Variants in PTGS1 observed in about 807,000 individuals in gnomAD.
The protein encoded by PTGS1 is prostaglandin G/H synthase 1.
In PTGS1, 40 loss-of-function variants were observed where a neutral mutation model predicts 63.0. The observed-to-expected ratio is 0.63, with a 90% CI of 0.49 to 0.83. The LOEUF (loss-of-function observed/expected upper bound fraction) is 0.83. Among genes scored for constraint, PTGS1 ranks in the 40% least tolerant of loss-of-function variants. The pLI is 0.00. For missense variants in PTGS1, 709 were observed against 786.5 expected (o/e 0.90, Z 1.18); for synonymous variants, 298 against 301.9 (o/e 0.99, Z 0.13).
chr9:122,395,000 G>A lies in PTGS1; in HGVS notation c.*2456G>A, dbSNP rs1018431651. 1.3e-5 allele frequency: 2 copies of A among 152,228 alleles called. No individual in the cohort carries two copies. The highest frequency in any genetic ancestry group is 4.8e-5 in the African/African-American group (2 of 41,432). 9.4% of individuals were successfully genotyped at this position (152,228 alleles called of 1,614,324 possible). A position where few individuals can be genotyped will look rare whatever the true frequency, so the allele number is the denominator to read the frequency against. On this transcript the variant is annotated 3_prime_UTR_variant, in exon 11 of 11. Transcript: ENST00000362012. Reference sequence around the variant, plus strand: ...CTTTTAATCAGTGAAGATGCAATCAGACAAGTGTTTTGGAAAGAGCACCCT... The same window carrying A: ...CTTTTAATCAGTGAAGATGCAATCAAACAAGTGTTTTGGAAAGAGCACCCT...
intron 2 of PTGS1, among the ~76,000 whole-genome samples, chr9:122,377,039 A>G (rs10985627): frequency 0.012 from 1,823 of 152,248 alleles, 21 homozygotes; most frequent in East Asian, 0.045. Context: ...TATCTCTCCT[A>G]TTCCCTTGGT....
intron 3 of PTGS1, 94 bp from the exon 4 acceptor site, chr9:122,378,339 C>A: frequency 1.3e-6 from 2 of 1,554,416 alleles, no homozygotes; most frequent in African/African-American, 1.4e-5. Context: ...CTCTGTTCCA[C>A]CCTGGCCCTT....
chr9:122,379,545 G>C (rs1837390110), intron 5 of PTGS1, among the ~76,000 whole-genome samples: 2 of 152,220 alleles, frequency 1.3e-5, no homozygotes, highest in Non-Finnish European at 2.9e-5. Flanking sequence ...TGCCAGTCCT[G>C]TGCAGCCTCA....
upstream of PTGS1, chr9:122,370,711 G>T: frequency 2.2e-6 from 1 of 456,100 alleles, no homozygotes; most frequent in Non-Finnish European, 3.9e-6. Flanking sequence ...TCTCTGCGGG[G>T]CAGGGTATGT....
chr9:122,386,496 T>C lies in PTGS1; in HGVS notation c.1060T>C (p.Tyr354His). 6.2e-7 allele frequency: 1 copy of C among 1,614,214 alleles called. No homozygotes were observed. The highest frequency in any genetic ancestry group is 8.5e-7 in the Non-Finnish European group (1 of 1,180,040). ...IEEYVQQLSG[Y>H]FLQLKFDPEL... ...GGAGTACGTGCAGCAGCTGAGTGGC[T>C]ATTTCCTGCAGCTGAAATTTGACCC... Residue 354 changes from tyrosine to histidine, a missense_variant, in exon 9 of 11, where the codon TAT (tyrosine) becomes CAT (histidine). Physicochemically the swap from Tyr to His is moderately conservative, Grantham distance 83. Coordinates refer to ENST00000362012, the MANE Select transcript of PTGS1 (RefSeq NM_000962.4).
At chr9:122,371,465 G>A (rs1836805991) in intron 2 of PTGS1, 193 bp downstream of exon 2, 1 of 1,233,472 alleles carries the variant, frequency 8.1e-7, no homozygotes, top group Admixed American at 2.8e-5. Flanking sequence ...TGGCTAATGG[G>A]CTATCTAGTT....
intron 2 of PTGS1, among the ~76,000 whole-genome samples, chr9:122,376,028 G>C (rs1266934978): frequency 6.6e-6 from 1 of 152,044 alleles, no homozygotes; most frequent in East Asian, 1.9e-4. Context: ...CAGCAGGAGG[G>C]GCAAGAAGAA....
At chr9:122,379,378 T>C (rs1037996348) in intron 5 of PTGS1, among the ~76,000 whole-genome samples, 1 of 152,196 alleles carries the variant, frequency 6.6e-6, no homozygotes, top group African/African-American at 2.4e-5. Flanking sequence ...GGGTCTTCCT[T>C]GTAAGACCTT....
intron 10 of PTGS1, among the ~76,000 whole-genome samples, chr9:122,391,598 A>G (rs1309162744): frequency 2.6e-5 from 4 of 150,962 alleles, no homozygotes; most frequent in Admixed American, 1.3e-4. Flanking sequence ...GAAGCTCCAT[A>G]TTTGTCTCCC....
At chr9:122,375,921 A>G (rs954150800) in intron 2 of PTGS1, among the ~76,000 whole-genome samples, 2 of 152,144 alleles carry the variant, frequency 1.3e-5, no homozygotes, top group African/African-American at 4.8e-5. Flanking sequence ...TTAGAGTGGT[A>G]GAACTAGACC....
At chr9:122,385,318 A>C (rs1837810116) in intron 8 of PTGS1, among the ~76,000 whole-genome samples, 1 of 152,108 alleles carries the variant, frequency 6.6e-6, no homozygotes, top group Non-Finnish European at 1.5e-5. Flanking sequence ...TGAGAGATTA[A>C]GTAACTCAGC....
In PTGS1 at chr9:122,371,922, G is replaced by C. The variant is rs575383358; in HGVS notation, c.94+650G>C. On this transcript the variant is annotated intron_variant, in intron 2 of 10. Transcript: ENST00000362012. Reference sequence around the variant, plus strand: ...CTGTCTGCGTCCACACACTTCGCAAGGTCTTTCCACAGAAAGCTGCTTCTA... The same window carrying C: ...CTGTCTGCGTCCACACACTTCGCAACGTCTTTCCACAGAAAGCTGCTTCTA... 4.8e-5 allele frequency: 49 copies of C among 1,017,334 alleles called. No individual in the cohort carries two copies. The South Asian group carries it at 5.9e-4, about 12-fold the overall frequency. 63.0% of individuals were successfully genotyped at this position (1,017,334 alleles called of 1,614,324 possible).
chr9:122,393,631 A>G lies in PTGS1; in HGVS notation c.*1087A>G, dbSNP rs1220443421. The G allele has an allele frequency of 6.6e-6, 1 of 152,272 alleles. No homozygotes were observed. The highest frequency in any genetic ancestry group is 1.5e-5 in the Non-Finnish European group (1 of 68,068). 9.4% of individuals were successfully genotyped at this position (152,272 alleles called of 1,614,324 possible). On this transcript the variant is annotated 3_prime_UTR_variant, in exon 11 of 11. Coordinates refer to ENST00000362012, the MANE Select transcript of PTGS1 (RefSeq NM_000962.4). ...AGGGGGCACCCGGGGAGGAGAGCAC[A>G]TACTGTGTTCCAATTTCACGCTTTT...
rs749523355 is a variant in PTGS1 at position 122,381,390 on chromosome 9, T to A, written c.516T>A (p.Asp172Glu). The A allele has an allele frequency of 6.2e-7, 1 of 1,614,032 alleles. No individual in the cohort carries two copies. Among genetic ancestry groups the A allele is most frequent in the Non-Finnish European group, 8.5e-7 (1 of 1,179,958 alleles). ...MGTKGKKQLPDAQLLARRFLL... is the reference protein window; with the variant it reads ...MGTKGKKQLPEAQLLARRFLL... ...AACCAGGGAAGAAGCAGTTGCCAGATGCCCAGCTCCTGGCCCGCCGCTTCC... is the reference window on the plus strand; with the variant it reads ...AACCAGGGAAGAAGCAGTTGCCAGAAGCCCAGCTCCTGGCCCGCCGCTTCC... The change falls in exon 6 of 11, where the codon GAT becomes GAA. Residue 172 changes from aspartate to glutamate, a missense_variant. Physicochemically the swap from Asp to Glu is conservative, Grantham distance 45. Transcript: ENST00000362012.
chr9:122,378,980 GA>G, intron 5 of PTGS1, 62 bp downstream of exon 5: 1 of 1,587,944 alleles, frequency 6.3e-7, no homozygotes, highest in South Asian at 1.1e-5. Flanking sequence ...TTCTCTTTGG[GA>G]AAAATCAGGC....
chr9:122,381,139 C>A lies in PTGS1; in HGVS notation c.497-232C>A, dbSNP rs549253782. 7.9e-5 allele frequency among the ~76,000 whole-genome samples: 12 copies of A among 152,304 alleles called. No homozygotes were observed. In the South Asian group the frequency reaches 2.5e-3, roughly 32 times the overall value. ...CATATTTTTATAAAGTATTTTAAAT[C>A]AAATTCTAAAAATCATGCCACTTAA... On this transcript the variant is annotated intron_variant, in intron 5 of 10. Transcript: ENST00000362012.
chr9:122,370,948 C>T, upstream of PTGS1: 1 of 1,367,316 alleles, frequency 7.3e-7, no homozygotes, highest in South Asian at 1.3e-5. Context: ...AGCGGGCAGC[C>T]GAGGTGACAG....
chr9:122,378,307 A>T, intron 3 of PTGS1, 126 bp from the exon 4 acceptor site: 1 of 1,336,142 alleles, frequency 7.5e-7, no homozygotes, highest in Non-Finnish European at 1.0e-6. Flanking sequence ...TTCCATCCTT[A>T]CCCACTTCCC....
chr9:122,377,764 C>A (rs1837263931), intron 2 of PTGS1, 135 bp from the exon 3 acceptor site: 1 of 741,882 alleles, frequency 1.3e-6, no homozygotes, highest in African/African-American at 1.7e-5. Flanking sequence ...AACCCTGAAG[C>A]CCTGGCACCC....
Sources: gnomAD v4.1 joint callset for allele counts (sites outside exome capture counted in the v4.1 genomes callset) on GRCh38, gnomAD v4.1.1 for gene constraint, MANE v1.5 for transcripts, NCBI Gene and HGNC (gene_info 2026-07-23, HGNC 2026-07-21) for gene names.